The following SIX5 variants were observed in gnomAD, a reference collection of about 807,000 sequenced individuals.
SIX5 encodes homeobox protein SIX5.
In SIX5, 21 loss-of-function variants were observed where a neutral mutation model predicts 37.1. The ratio of observed to expected loss-of-function variants is 0.57; its 90% CI spans 0.40 to 0.81. The LOEUF is 0.81. SIX5 is among the 40% of genes least tolerant of loss of function. SIX5 has a pLI of 0.00. For synonymous variants in SIX5, 626 were observed against 505.9 expected, an observed-to-expected ratio of 1.24 and a Z score of -3.19; for missense variants, 1,137 against 1,025.1, an observed-to-expected ratio of 1.11 and a Z score of -1.49.
chr19:45,765,173 C>T lies in SIX5; in HGVS notation c.*328G>A, dbSNP rs1969043242. On this transcript the variant is annotated 3_prime_UTR_variant, in exon 3 of 3. Transcript: ENST00000317578. ...GGCTCTGGGGGCTGGAAGTCCGGCC[C>T]TGGGGCAGGGTGTTCCGCTTACAGC... is the stretch of plus-strand genomic sequence containing the variant. 2 of 456,536 alleles carry T rather than the reference C, an allele frequency of 4.4e-6. No homozygotes were observed. Among genetic ancestry groups the T allele is most frequent in the South Asian group, 4.6e-5 (2 of 43,412 alleles). 28.3% of individuals were successfully genotyped at this position (456,536 alleles called of 1,614,324 possible). A position where few individuals can be genotyped will look rare whatever the true frequency, so the allele number is the denominator to read the frequency against.
Position 45,768,514 on chromosome 19 carries a change from G to A in SIX5, c.331C>T (p.Leu111=). The change falls in exon 1 of 3, where the codon CTG becomes TTG. Residue 111 remains leucine (L), a synonymous_variant. Coordinates refer to ENST00000317578, the MANE Select transcript of SIX5 (RefSeq NM_175875.5). The part of the protein sequence containing the change: ...AGHAGRLSRF[L]GALPPAERLR... ...CGCTCGGCCGGGGGCAGTGCGCCCA[G>A]GAAGCGGCTCAAGCGGCCGGCGTGG... is the stretch of plus-strand genomic sequence containing the variant. 6.8e-7 allele frequency: 1 copy of A among 1,471,366 alleles called. No homozygotes were observed. Among genetic ancestry groups the A allele is most frequent in the Non-Finnish European group, 8.9e-7 (1 of 1,119,746 alleles). The allele number at this position is 1,471,366 out of a possible 1,614,324, so 91.1% of individuals were successfully genotyped here. A position where few individuals can be genotyped will look rare whatever the true frequency, so the allele number is the denominator to read the frequency against.
rs1264249125 is a variant in SIX5, at chr19:45,766,888, G to T, written c.1071C>A (p.Gly357=). The T allele has an allele frequency of 1.9e-6, 3 of 1,549,824 alleles. No individual in the cohort carries two copies. Among genetic ancestry groups the T allele is most frequent in the East Asian group, 2.4e-5 (1 of 41,356 alleles). Residue 357 remains glycine (G), a synonymous_variant, in exon 2 of 3, where the codon GGC becomes GGA. Coordinates refer to ENST00000317578, the MANE Select transcript of SIX5 (RefSeq NM_175875.5). ...GLALGEASSL[G]PLLLTGGGGA... ...CCCCGCCCCCAGTGAGCAGCAGCGG[G>T]CCCAGGCTGGAGGCCTCGCCCAGGG...
chr19:45,767,114 C>T lies in SIX5; in HGVS notation c.845G>A (p.Arg282Gln). Residue 282 changes from arginine to glutamine, a missense_variant, in exon 2 of 3, where the codon CGA (arginine) becomes CAA (glutamine). Coordinates refer to ENST00000317578, the MANE Select transcript of SIX5 (RefSeq NM_175875.5). ...GNPTTEDESS[R>Q]SPEDLERGAA... The stretch of plus-strand genomic sequence containing the variant: ...CCCTCTCTCCAGGTCCTCAGGACTT[C>T]GGCTGGACTCGTCCTCAGTCGTGGG... The T allele has an allele frequency of 6.2e-7, 1 of 1,612,308 alleles. No individual in the cohort carries two copies.
At position 45,768,618 on chromosome 19, in the gene SIX5, G is replaced by A. The variant is rs1054417346; in HGVS notation, c.227C>T (p.Ala76Val). Residue 76 changes from alanine to valine, a missense_variant, in exon 1 of 3, where the codon GCC becomes GTC. This residue lies in a region of SIX5 where 331 missense variants were observed against 360.9 expected (regional missense o/e 0.92). Transcript: ENST00000317578. ...GAGGCCCGTGGGCGGTTCGGAAGCG[G>A]CCTCGGGGGGCGACCCGGGGACGCC... is the stretch of plus-strand genomic sequence containing the variant. ...SPGVPGSPPE[A>V]ASEPPTGLRF... is the part of the protein sequence containing the mutation. 2 of 1,277,256 alleles carry A rather than the reference G, an allele frequency of 1.6e-6. No homozygotes were observed. Among genetic ancestry groups the A allele is most frequent in the Non-Finnish European group, 2.0e-6 (2 of 1,020,002 alleles). The allele number at this position is 1,277,256 out of a possible 1,614,324, so 79.1% of individuals were successfully genotyped here.
In SIX5 at chr19:45,768,813, C is replaced by T; in HGVS notation, c.32G>A (p.Gly11Glu). 1 of 1,529,890 alleles carries T rather than the reference C, an allele frequency of 6.5e-7. No individual in the cohort carries two copies. Among genetic ancestry groups the T allele is most frequent in the Non-Finnish European group, 8.7e-7 (1 of 1,144,262 alleles). The allele number at this position is 1,529,890 out of a possible 1,614,324, so 94.8% of individuals were successfully genotyped here. Residue 11 changes from glycine to glutamate, a missense_variant, in exon 1 of 3, where the codon GGG becomes GAG. By Grantham distance (98) the Gly-to-Glu change is moderately conservative. Around this residue, in one of 3 missense-constraint regions of SIX5, gnomAD observed 331 missense variants for 360.9 expected, o/e 0.92. Coordinates refer to ENST00000317578, the MANE Select transcript of SIX5 (RefSeq NM_175875.5). MATLPAEPSAGPAAGGEAVAA... is the reference protein window; with the variant it reads MATLPAEPSAEPAAGGEAVAA... Reference sequence around the variant, plus strand: ...CACCGCCTCCCCCCCAGCCGCCGGCCCCGCGCTCGGCTCCGCAGGCAAGGT... The same window carrying T: ...CACCGCCTCCCCCCCAGCCGCCGGCTCCGCGCTCGGCTCCGCAGGCAAGGT...
rs899327483 is a variant in SIX5, at chr19:45,768,089, C to G, written c.756G>C (p.Arg252=). The part of the protein sequence containing the change: ...LTQVSNWFKN[R]RQRDRTGAGG... ...CGGCCCCGGTCCGGTCGCGCTGTCG[C>G]CGGTTCTTGAACCAGTTGCTGACCT... The change falls in exon 1 of 3, where the codon CGG becomes CGC. Residue 252 remains arginine, a synonymous_variant. Transcript: ENST00000317578. The G allele has an allele frequency of 1.2e-6, 2 of 1,602,658 alleles. No homozygotes were observed. Among genetic ancestry groups the G allele is most frequent in the Non-Finnish European group, 1.7e-6 (2 of 1,178,162 alleles).
At position 45,768,816 on chromosome 19, in the gene SIX5, G is replaced by A; in HGVS notation, c.29C>T (p.Ala10Val). Residue 10 changes from alanine to valine, a missense_variant, in exon 1 of 3, where the codon GCG (alanine) becomes GTG (valine). Transcript: ENST00000317578. The stretch of plus-strand genomic sequence containing the variant: ...CGCCTCCCCCCCAGCCGCCGGCCCC[G>A]CGCTCGGCTCCGCAGGCAAGGTAGC... MATLPAEPS[A>V]GPAAGGEAVA... 6.6e-7 allele frequency: 1 copy of A among 1,524,876 alleles called. No individual in the cohort carries two copies. Among genetic ancestry groups the A allele is most frequent in the South Asian group, 1.2e-5 (1 of 82,776 alleles). 94.5% of individuals were successfully genotyped at this position (1,524,876 alleles called of 1,614,324 possible).
At position 45,768,421 on chromosome 19, in the gene SIX5, C is replaced by T. The variant is rs1292817991; in HGVS notation, c.424G>A (p.Glu142Lys). ...LVAFQRGEYA[E>K]LYRLLESRPF... ...CGGCTCTCGAGTAGCCGGTAGAGCT[C>T]GGCGTACTCGCCCCGCTGGAAGGCC... The change falls in exon 1 of 3, where the codon GAG (glutamate) becomes AAG (lysine). Residue 142 changes from glutamate to lysine, a missense_variant. Glu to Lys is a moderately conservative substitution (Grantham distance 56). This residue lies in a region of SIX5 where 331 missense variants were observed against 360.9 expected (regional missense o/e 0.92). Transcript: ENST00000317578. 5.2e-6 allele frequency: 8 copies of T among 1,545,362 alleles called. No homozygotes were observed. Among genetic ancestry groups the T allele is most frequent in the South Asian group, 1.2e-5 (1 of 85,300 alleles).
In SIX5 at chr19:45,765,746, G is replaced by C. The variant is rs771204197; in HGVS notation, c.1975C>G (p.Pro659Ala). The change falls in exon 3 of 3, where the codon CCC (proline) becomes GCC (alanine). Residue 659 changes from proline to alanine, a missense_variant. By Grantham distance (27) the Pro-to-Ala change is conservative. Transcript: ENST00000317578. ...APPPEGLMLS[P>A]AAVPVWSAGL... Reference sequence around the variant, plus strand: ...GCTGACCAGACAGGCACGGCCGCGGGTGACAACATCAGCCCCTCTGGTGGG... The same window carrying C: ...GCTGACCAGACAGGCACGGCCGCGGCTGACAACATCAGCCCCTCTGGTGGG... 4 of 1,611,570 alleles carry C rather than the reference G, an allele frequency of 2.5e-6. No homozygotes were observed. Among genetic ancestry groups the C allele is most frequent in the Non-Finnish European group, 2.5e-6 (3 of 1,179,952 alleles).
Position 45,766,579 on chromosome 19 carries a change from C to G in SIX5, c.1380G>C (p.Pro460=), listed in dbSNP as rs569568887. 2.0e-6 allele frequency: 3 copies of G among 1,471,696 alleles called. No homozygotes were observed. Among genetic ancestry groups the G allele is most frequent in the Non-Finnish European group, 2.7e-6 (3 of 1,106,028 alleles). 91.2% of individuals were successfully genotyped at this position (1,471,696 alleles called of 1,614,324 possible). A position where few individuals can be genotyped will look rare whatever the true frequency, so the allele number is the denominator to read the frequency against. Residue 460 remains proline (P), a synonymous_variant, in exon 2 of 3, where the codon CCG becomes CCC. Transcript: ENST00000317578. ...APQVVPLSPP[P]GYPTGLSPTS... ...TGGGGCTCAGGCCCGTGGGATACCC[C>G]GGGGGTGGGGAGAGCGGTACCACTT...
At position 45,768,930 on chromosome 19, in the gene SIX5, C is replaced by A; in HGVS notation, c.-86G>T. On this transcript the variant is annotated 5_prime_UTR_variant, in exon 1 of 3. Coordinates refer to ENST00000317578, the MANE Select transcript of SIX5 (RefSeq NM_175875.5). ...TCCTCCCCCACCTGTCCCCCCTTTT[C>A]GCCCCCACTCCCCGCTCTTCTCGAT... 8.6e-7 allele frequency: 1 copy of A among 1,158,568 alleles called. No individual in the cohort carries two copies. Among genetic ancestry groups the A allele is most frequent in the Non-Finnish European group, 1.2e-6 (1 of 863,732 alleles). 71.8% of individuals were successfully genotyped at this position (1,158,568 alleles called of 1,614,324 possible). A position where few individuals can be genotyped will look rare whatever the true frequency, so the allele number is the denominator to read the frequency against.
At position 45,766,644 on chromosome 19, in the gene SIX5, G is replaced by A. The variant is rs1969081145; in HGVS notation, c.1315C>T (p.Pro439Ser). ...VPGPPTAATFPLPPGPVPAVA... is the reference protein window; with the variant it reads ...VPGPPTAATFSLPPGPVPAVA... The stretch of plus-strand genomic sequence containing the variant: ...GCAGGCACTGGCCCCGGGGGCAGAG[G>A]AAAGGTGGCAGCCGTCGGGGGGCCA... The change falls in exon 2 of 3, where the codon CCT becomes TCT. Residue 439 changes from proline (P) to serine (S), a missense_variant. Around this residue, in one of 3 missense-constraint regions of SIX5, gnomAD observed 787 missense variants for 621.4 expected, o/e 1.27. Coordinates refer to ENST00000317578, the MANE Select transcript of SIX5 (RefSeq NM_175875.5). 2.7e-6 allele frequency: 4 copies of A among 1,479,444 alleles called. No individual in the cohort carries two copies. The highest frequency in any genetic ancestry group is 1.3e-5 in the South Asian group (1 of 74,248). 91.6% of individuals were successfully genotyped at this position (1,479,444 alleles called of 1,614,324 possible).
chr19:45,766,627 T>A lies in SIX5; in HGVS notation c.1332A>T (p.Pro444=). The part of the protein sequence containing the change: ...TAATFPLPPG[P]VPAVAAPQVV... ...CTTGTGGGGCAGCCACAGCAGGCACTGGCCCCGGGGGCAGAGGAAAGGTGG... is the reference window on the plus strand; with the variant it reads ...CTTGTGGGGCAGCCACAGCAGGCACAGGCCCCGGGGGCAGAGGAAAGGTGG... Residue 444 remains proline (P), a synonymous_variant, in exon 2 of 3, where the codon CCA becomes CCT. Transcript: ENST00000317578. 6.8e-7 allele frequency: 1 copy of A among 1,472,580 alleles called. No homozygotes were observed. The highest frequency in any genetic ancestry group is 9.0e-7 in the Non-Finnish European group (1 of 1,109,188). 91.2% of individuals were successfully genotyped at this position (1,472,580 alleles called of 1,614,324 possible). A position where few individuals can be genotyped will look rare whatever the true frequency, so the allele number is the denominator to read the frequency against.
intron 1 of SIX5, among the ~76,000 whole-genome samples, chr19:45,767,607 A>G (rs1426019861): frequency 6.6e-6 from 1 of 152,172 alleles, no homozygotes; most frequent in Non-Finnish European, 1.5e-5. Flanking sequence ...ACGTTTCACA[A>G]CAAAGGCAGA....
chr19:45,765,089 G>T lies in SIX5; in HGVS notation c.*412C>A, dbSNP rs1272740969. ...CTCCACCTTCGGATTCCAGGCAGTT[G>T]TGACAACACCAGCTATCGGCAGAGC... On this transcript the variant is annotated 3_prime_UTR_variant, in exon 3 of 3. Transcript: ENST00000317578. The T allele has an allele frequency of 4.0e-6, 1 of 250,456 alleles. No individual in the cohort carries two copies. The highest frequency in any genetic ancestry group is 5.5e-5 in the South Asian group (1 of 18,128). The allele number at this position is 250,456 out of a possible 1,614,324, so 15.5% of individuals were successfully genotyped here. A position where few individuals can be genotyped will look rare whatever the true frequency, so the allele number is the denominator to read the frequency against.
chr19:45,765,769 G>C lies in SIX5; in HGVS notation c.1952C>G (p.Pro651Arg). ...GGGTGACAACATCAGCCCCTCTGGT[G>C]GGGGCGCCGGGAAGTTGGGCAGGAG... is the stretch of plus-strand genomic sequence containing the variant. ...PGLLPNFPAP[P>R]PEGLMLSPAA... Residue 651 changes from proline (P) to arginine (R), a missense_variant, in exon 3 of 3, where the codon CCA becomes CGA. By Grantham distance (103) the Pro-to-Arg change is moderately radical (BLOSUM62 -2). This residue lies in a region of SIX5 where 787 missense variants were observed against 621.4 expected (regional missense o/e 1.27). Coordinates refer to ENST00000317578, the MANE Select transcript of SIX5 (RefSeq NM_175875.5). The C allele has an allele frequency of 1.2e-6, 2 of 1,609,042 alleles. No individual in the cohort carries two copies. Among genetic ancestry groups the C allele is most frequent in the South Asian group, 1.1e-5 (1 of 91,088 alleles).
rs762866764 is a variant in SIX5, at chr19:45,768,789, A to G, written c.56T>C (p.Val19Ala). ...SAGPAAGGEA[V>A]AAAAATEEEE... ...CTCTTCGGTCGCCGCCGCCGCCGCCACCGCCTCCCCCCCAGCCGCCGGCCC... is the reference window on the plus strand; with the variant it reads ...CTCTTCGGTCGCCGCCGCCGCCGCCGCCGCCTCCCCCCCAGCCGCCGGCCC... The change falls in exon 1 of 3, where the codon GTG becomes GCG. Residue 19 changes from valine to alanine, a missense_variant. Val to Ala is a moderately conservative substitution (Grantham distance 64). Transcript: ENST00000317578. 11 of 1,526,700 alleles carry G rather than the reference A, an allele frequency of 7.2e-6. No individual in the cohort carries two copies. The highest frequency in any genetic ancestry group is 5.0e-5 in the East Asian group (2 of 40,376). The allele number at this position is 1,526,700 out of a possible 1,614,324, so 94.6% of individuals were successfully genotyped here.
In SIX5 at chr19:45,765,285, AAC is replaced by A; in HGVS notation, c.*214_*215del. 2.3e-5 allele frequency: 16 copies of A among 683,806 alleles called. No homozygotes were observed. In the South Asian group the frequency reaches 2.5e-4, roughly 10 times the overall value. 42.4% of individuals were successfully genotyped at this position (683,806 alleles called of 1,614,324 possible). A position where few individuals can be genotyped will look rare whatever the true frequency, so the allele number is the denominator to read the frequency against. On this transcript the variant is annotated 3_prime_UTR_variant, in exon 3 of 3. Transcript: ENST00000317578. The stretch of plus-strand genomic sequence containing the variant: ...CAGGGCACAGCATGGGGAGGGCTGT[AAC>A]AGAGAGGCCTCCCATCCAAAGGGGG...
At position 45,767,367 on chromosome 19, in the gene SIX5, C is replaced by T. The variant is rs1969100115; in HGVS notation, c.804-212G>A. Among the ~76,000 whole-genome samples, 2 of 152,166 alleles carry T rather than the reference C, an allele frequency of 1.3e-5. 1 individual carries two copies. Among genetic ancestry groups the T allele is most frequent in the South Asian group, 4.1e-4 (2 of 4,830 alleles). On this transcript the variant is annotated intron_variant, in intron 1 of 2. Transcript: ENST00000317578. ...AGAAGCGCTGGGGAGGGAAGAGGCCCTTGCTCTCCCCCACCTCGGCCTCGG... is the reference window on the plus strand; with the variant it reads ...AGAAGCGCTGGGGAGGGAAGAGGCCTTTGCTCTCCCCCACCTCGGCCTCGG...
Sources: gnomAD v4.1 joint callset for allele counts (sites outside exome capture counted in the v4.1 genomes callset) on GRCh38, gnomAD v4.1.1 for gene constraint, gnomAD v4.1.1 regional missense constraint, MANE v1.5 for transcripts, NCBI Gene and HGNC (gene_info 2026-07-23, HGNC 2026-07-21) for gene names.